ASIC2: variants seen among roughly 807,000 people sequenced by gnomAD.
ASIC2 encodes the protein acid sensing ion channel subunit 2.
In ASIC2, 25 loss-of-function variants were observed where a neutral mutation model predicts 57.3. That is an observed-to-expected ratio of 0.44 (90% CI 0.32 to 0.61). The LOEUF (loss-of-function observed/expected upper bound fraction) is 0.61. Ranked by LOEUF, ASIC2 falls within the 20% of genes least tolerant of loss-of-function variation. The pLI is 0.06. For missense variants in ASIC2, 641 were observed against 738.1 expected, an observed-to-expected ratio of 0.87 and a Z score of 1.52; for synonymous variants, 319 against 307.5, an observed-to-expected ratio of 1.04 and a Z score of -0.39.
intron 1 of ASIC2, 159 bp from the exon 2 acceptor site, chr17:33,112,226 G>T: frequency 1.0e-6 from 1 of 985,944 alleles, no homozygotes. Context: ...TCCTGGCTGT[G>T]GGCCTGACTT....
rs530415611 is a variant in ASIC2 at position 33,319,682 on chromosome 17, C to A, written c.556-207615G>T. Among the ~76,000 whole-genome samples the A allele has an allele frequency of 2.6e-5, 4 of 152,190 alleles. No individual in the cohort carries two copies. The South Asian group carries it at 8.3e-4, about 32-fold the overall frequency. ...AGAAGTAGCTTGGACTACAGGTGCA[C>A]ACCACCACACCTAGCTAATTCTTGT... On this transcript the variant is annotated intron_variant, in intron 1 of 9. Coordinates refer to the ASIC2 transcript ENST00000359872.
chr17:33,160,214 A>AAAAAAG (rs1555575610), intron 1 of ASIC2, among the ~76,000 whole-genome samples: 2 of 93,464 alleles, frequency 2.1e-5, no homozygotes, highest in Non-Finnish European at 4.4e-5. Flanking sequence ...GTTAAAAAAA[A>AAAAAAG]AAAAGAAAAG....
At chr17:33,243,447 G>T (rs1413121867) in intron 1 of ASIC2, among the ~76,000 whole-genome samples, 1 of 152,178 alleles carries the variant, frequency 6.6e-6, no homozygotes, top group East Asian at 1.9e-4. Flanking sequence ...GGGTATGATG[G>T]GTAGGAGATG....
intron 1 of ASIC2, among the ~76,000 whole-genome samples, chr17:33,694,259 C>T (rs1207877010): frequency 6.6e-6 from 1 of 152,186 alleles, no homozygotes; most frequent in East Asian, 1.9e-4. Flanking sequence ...GTCTGGGAAA[C>T]TTGAGTTCTT....
At chr17:33,865,785 G>GTTT (rs1360896399) in intron 1 of ASIC2, among the ~76,000 whole-genome samples, 12 of 71,144 alleles carry the variant, frequency 1.7e-4, no homozygotes, top group Non-Finnish European at 2.8e-4. Context: ...AAAAAAAAAC[G>GTTT]TTTTTTTATT....
chr17:33,425,387 A>G (rs1046346049), intron 1 of ASIC2, among the ~76,000 whole-genome samples: 1 of 152,366 alleles, frequency 6.6e-6, no homozygotes, highest in Non-Finnish European at 1.5e-5. Context: ...TAGTCTCTGT[A>G]GAGTACAGAC....
intron 1 of ASIC2, among the ~76,000 whole-genome samples, chr17:33,602,261 C>T (rs879552053): frequency 4.6e-5 from 7 of 152,124 alleles, no homozygotes; most frequent in African/African-American, 7.2e-5. Flanking sequence ...GAATGTGTCC[C>T]CCAAAGTTCC....
intron 1 of ASIC2, among the ~76,000 whole-genome samples, chr17:33,747,690 C>T (rs1030991047): frequency 6.6e-5 from 10 of 152,172 alleles, no homozygotes; most frequent in Admixed American, 6.5e-4. Flanking sequence ...CCTATGGACT[C>T]CACAGAATGT....
intron 1 of ASIC2, among the ~76,000 whole-genome samples, chr17:33,365,234 A>AC (rs567060158): frequency 1.1e-3 from 171 of 152,222 alleles, no homozygotes; most frequent in Admixed American, 1.7e-3. Context: ...CAGCTTGGCT[A>AC]TTTCCCTGAC....
intron 1 of ASIC2, among the ~76,000 whole-genome samples, chr17:33,443,405 G>GGTTTTTTTT (rs1567862521): frequency 1.0e-5 from 1 of 99,480 alleles, no homozygotes; most frequent in Non-Finnish European, 2.1e-5. Flanking sequence ...TGGAGGGTAA[G>GGTTTTTTTT]ATTTTTTTTT....
intron 1 of ASIC2, among the ~76,000 whole-genome samples, chr17:33,970,253 A>G (rs1416705355): frequency 2.0e-5 from 3 of 152,196 alleles, no homozygotes; most frequent in African/African-American, 7.2e-5. Context: ...TGGGTGGCAA[A>G]GTTGCCCCCA....
At chr17:33,415,019 A>G (rs978175747) in intron 1 of ASIC2, among the ~76,000 whole-genome samples, 2 of 152,240 alleles carry the variant, frequency 1.3e-5, no homozygotes, top group East Asian at 1.9e-4. Flanking sequence ...TGTGCAGTCC[A>G]GGCACTGTCC....
chr17:33,567,747 G>A lies in ASIC2; in HGVS notation c.556-455680C>T, dbSNP rs112597689. Among the ~76,000 whole-genome samples the A allele has an allele frequency of 9.2e-3, 1,399 of 152,256 alleles. 17 individuals are homozygous for A. The highest frequency in any genetic ancestry group is 0.029 in the African/African-American group (1,219 of 41,538). On this transcript the variant is annotated intron_variant, in intron 1 of 9. Transcript: ENST00000359872. Reference sequence around the variant, plus strand: ...TTTACTGAGATGGGAACAAGTGGGGGAGTGAGTTTGGAGGTAGAGGTCAAG... The same window carrying A: ...TTTACTGAGATGGGAACAAGTGGGGAAGTGAGTTTGGAGGTAGAGGTCAAG...
intron 1 of ASIC2, among the ~76,000 whole-genome samples, chr17:33,993,144 G>A (rs974383028): frequency 4.6e-5 from 7 of 152,170 alleles, no homozygotes; most frequent in African/African-American, 1.4e-4. Context: ...CAGTGCTCCA[G>A]TGCCCATGAC....
intron 1 of ASIC2, among the ~76,000 whole-genome samples, chr17:33,717,879 A>C (rs751443578): frequency 5.9e-5 from 9 of 152,216 alleles, no homozygotes; most frequent in Non-Finnish European, 1.3e-4. Context: ...TAAATGGTAG[A>C]TCTTCTTACA....
At chr17:33,140,034 G>C (rs1013743474) in intron 1 of ASIC2, among the ~76,000 whole-genome samples, 1 of 152,148 alleles carries the variant, frequency 6.6e-6, no homozygotes, top group African/African-American at 2.4e-5. Context: ...TGTCTTCTGG[G>C]GGCCAGCTGC....
chr17:33,831,106 C>T (rs558600927), intron 1 of ASIC2, among the ~76,000 whole-genome samples: 165 of 22,954 alleles, frequency 7.2e-3, no homozygotes, highest in Non-Finnish European at 0.011. Flanking sequence ...AAGGCTCTGT[C>T]AAAAAAAAAA....
intron 1 of ASIC2, among the ~76,000 whole-genome samples, chr17:34,149,100 CTT>C (rs1175156864): frequency 1.4e-5 from 2 of 142,282 alleles, no homozygotes; most frequent in Non-Finnish European, 3.0e-5. Context: ...TTTCTTTTTT[CTT>C]TTTTTTCTTT....
chr17:33,691,040 T>G (rs1469739809), intron 1 of ASIC2, among the ~76,000 whole-genome samples: 1 of 152,126 alleles, frequency 6.6e-6, no homozygotes, highest in Non-Finnish European at 1.5e-5. Context: ...TGAAACACCG[T>G]GCCCGGCCTA....
Sources: gnomAD v4.1 joint callset for allele counts (sites outside exome capture counted in the v4.1 genomes callset) on GRCh38, gnomAD v4.1.1 for gene constraint, MANE v1.5 for transcripts, NCBI Gene and HGNC (gene_info 2026-07-23, HGNC 2026-07-21) for gene names.